The following GALNTL6 variants were observed in gnomAD, a reference collection of about 807,000 sequenced individuals.
GALNTL6 encodes the protein polypeptide N-acetylgalactosaminyltransferase like 6, also known as polypeptide N-acetylgalactosaminyltransferase-like 6.
Under a neutral mutation model 73.7 loss-of-function variants are expected in GALNTL6, and 46 were observed. The observed-to-expected ratio is 0.62, with a 90% CI of 0.49 to 0.80. The LOEUF is 0.80. Among genes scored for constraint, GALNTL6 ranks in the 30% least tolerant of loss-of-function variants. The pLI is 0.00. For synonymous variants in GALNTL6, 259 were observed against 263.7 expected, an observed-to-expected ratio of 0.98 and a Z score of 0.17; for missense variants, 604 against 755.0, an observed-to-expected ratio of 0.80 and a Z score of 2.34.
intron 12 of GALNTL6, among the ~76,000 whole-genome samples, chr4:173,025,499 G>C (rs1753194886): frequency 6.6e-6 from 1 of 152,070 alleles, no homozygotes; most frequent in Admixed American, 6.6e-5. Context: ...GCCCCTGCCT[G>C]GTTCAGTCTT....
At chr4:172,396,335 C>CT (rs1743849643) in intron 5 of GALNTL6, among the ~76,000 whole-genome samples, 1 of 134,820 alleles carries the variant, frequency 7.4e-6, no homozygotes, top group South Asian at 2.3e-4. Flanking sequence ...TTTTTTAAGT[C>CT]TAAGCCTTTA....
chr4:172,290,982 AC>A (rs1321137278), intron 3 of GALNTL6, among the ~76,000 whole-genome samples: 2 of 152,002 alleles, frequency 1.3e-5, no homozygotes, highest in Non-Finnish European at 2.9e-5. Flanking sequence ...GGAGAGCCAC[AC>A]TGCTTATGTA....
At chr4:172,566,439 C>T (rs946242746) in intron 5 of GALNTL6, among the ~76,000 whole-genome samples, 3 of 151,876 alleles carry the variant, frequency 2.0e-5, no homozygotes, top group Non-Finnish European at 2.9e-5. Flanking sequence ...TCATGAACAA[C>T]CAATGGATCA....
chr4:171,882,885 C>G (rs1464609185), intron 2 of GALNTL6, among the ~76,000 whole-genome samples: 1 of 152,210 alleles, frequency 6.6e-6, no homozygotes, highest in Non-Finnish European at 1.5e-5. Flanking sequence ...TGTAGAAGGA[C>G]TTTCCAGGAA....
intron 3 of GALNTL6, among the ~76,000 whole-genome samples, chr4:172,308,596 T>A (rs1318157721): frequency 6.6e-6 from 1 of 152,144 alleles, no homozygotes; most frequent in East Asian, 1.9e-4. Context: ...AATCATATGA[T>A]TTTTGTTTTT....
intron 5 of GALNTL6, among the ~76,000 whole-genome samples, chr4:172,775,514 C>T (rs1219229209): frequency 6.6e-6 from 1 of 152,186 alleles, no homozygotes; most frequent in African/African-American, 2.4e-5. Context: ...TTGGATGGTA[C>T]ATGGGTCTGT....
At chr4:173,003,138 T>A (rs1389996588) in intron 10 of GALNTL6, among the ~76,000 whole-genome samples, 1 of 152,208 alleles carries the variant, frequency 6.6e-6, no homozygotes, top group Non-Finnish European at 1.5e-5. Context: ...TTACATTATG[T>A]ATATTTTATC....
chr4:171,932,537 G>A (rs1280095705), intron 2 of GALNTL6, among the ~76,000 whole-genome samples: 1 of 152,184 alleles, frequency 6.6e-6, no homozygotes, highest in Non-Finnish European at 1.5e-5. Context: ...AGTCTGAGGT[G>A]TCTTGTCTAG....
At chr4:172,848,439 G>C (rs1164526533) in intron 7 of GALNTL6, among the ~76,000 whole-genome samples, 1 of 152,098 alleles carries the variant, frequency 6.6e-6, no homozygotes, top group Non-Finnish European at 1.5e-5. Context: ...GAGTATAATG[G>C]AGCTGCTATT....
At chr4:172,103,497 CT>C (rs1363991500) in intron 2 of GALNTL6, among the ~76,000 whole-genome samples, 5 of 152,106 alleles carry the variant, frequency 3.3e-5, no homozygotes, top group Non-Finnish European at 7.3e-5. Flanking sequence ...CACTCCTTGC[CT>C]ATTCTCCAGT....
At chr4:172,436,038 T>C (rs1368562872) in intron 5 of GALNTL6, among the ~76,000 whole-genome samples, 1 of 152,128 alleles carries the variant, frequency 6.6e-6, no homozygotes, top group Non-Finnish European at 1.5e-5. Context: ...GAAGCTGTAA[T>C]CCTGCCAGTC....
chr4:172,062,842 A>G (rs1361112077), intron 2 of GALNTL6, among the ~76,000 whole-genome samples: 1 of 152,108 alleles, frequency 6.6e-6, no homozygotes, highest in African/African-American at 2.4e-5. Context: ...ACTATGAGTA[A>G]CCCTTCCCTG....
chr4:172,299,828 G>C (rs912665228), intron 3 of GALNTL6, among the ~76,000 whole-genome samples: 1 of 152,156 alleles, frequency 6.6e-6, no homozygotes, highest in Admixed American at 6.6e-5. Flanking sequence ...GTGGTGCTGA[G>C]AAGAATGTAT....
chr4:172,933,751 A>G (rs1474066787), intron 9 of GALNTL6, among the ~76,000 whole-genome samples: 2 of 152,318 alleles, frequency 1.3e-5, no homozygotes, highest in East Asian at 3.9e-4. Flanking sequence ...AAAAATGAAG[A>G]GAGACTTTAT....
intron 5 of GALNTL6, among the ~76,000 whole-genome samples, chr4:172,763,166 A>T (rs1363463908): frequency 1.3e-5 from 2 of 152,074 alleles, no homozygotes; most frequent in African/African-American, 4.8e-5. Flanking sequence ...CAGTCTAAAG[A>T]CAGTCGAGAA....
intron 2 of GALNTL6, among the ~76,000 whole-genome samples, chr4:171,932,465 G>T (rs1385476588): frequency 2.6e-5 from 4 of 152,190 alleles, no homozygotes; most frequent in Non-Finnish European, 5.9e-5. Context: ...CTGGAAGCCA[G>T]TGGGCCCGCC....
chr4:172,700,096 A>T (rs1733942359), intron 5 of GALNTL6, among the ~76,000 whole-genome samples: 1 of 152,198 alleles, frequency 6.6e-6, no homozygotes, highest in Non-Finnish European at 1.5e-5. Context: ...TTTTAAAAAA[A>T]CTACCAAAAA....
chr4:172,061,213 C>G (rs1311688949), intron 2 of GALNTL6, among the ~76,000 whole-genome samples: 1 of 151,940 alleles, frequency 6.6e-6, no homozygotes, highest in South Asian at 2.1e-4. Flanking sequence ...TCTGTATTCT[C>G]TCTCTCTCTC....
At chr4:172,860,076 G>T (rs989674151) in intron 7 of GALNTL6, among the ~76,000 whole-genome samples, 11 of 152,266 alleles carry the variant, frequency 7.2e-5, no homozygotes, top group Middle Eastern at 3.4e-3. Flanking sequence ...TTTGGTCTGT[G>T]GGAAAATTAT....
Sources: gnomAD v4.1 joint callset for allele counts (sites outside exome capture counted in the v4.1 genomes callset) on GRCh38, gnomAD v4.1.1 for gene constraint, MANE v1.5 for transcripts, NCBI Gene and HGNC (gene_info 2026-07-23, HGNC 2026-07-21) for gene names.